SUCLG2: variants seen among roughly 807,000 people sequenced by gnomAD.
The protein encoded by SUCLG2 is succinate--CoA ligase [GDP-forming] subunit beta, mitochondrial.
Under a neutral mutation model 47.9 loss-of-function variants are expected in SUCLG2, and 42 were observed. That is an observed-to-expected ratio of 0.88 (90% confidence interval 0.69 to 1.14). The LOEUF (loss-of-function observed/expected upper bound fraction) is 1.14, where lower values mean the gene tolerates loss of function less well. Among genes scored for constraint, SUCLG2 ranks in the 50% most tolerant of loss-of-function variants. The pLI, the probability that SUCLG2 is intolerant of heterozygous loss-of-function variation, is 0.00. For synonymous variants in SUCLG2, 195 were observed against 197.3 expected (o/e 0.99, Z 0.10); for missense variants, 571 against 525.9 (o/e 1.09, Z -0.84).
At chr3:67,590,315 A>G (rs992323737) in intron 2 of SUCLG2, among the ~76,000 whole-genome samples, 10 of 152,228 alleles carry the variant, frequency 6.6e-5, no homozygotes, top group Non-Finnish European at 1.5e-4. Context: ...ACCAATTCCA[A>G]GGCAACTGTG....
chr3:67,593,201 C>T (rs1335883871), intron 2 of SUCLG2, among the ~76,000 whole-genome samples: 1 of 152,094 alleles, frequency 6.6e-6, no homozygotes, highest in Non-Finnish European at 1.5e-5. Flanking sequence ...ATTATATTCT[C>T]GCAATAATAA....
chr3:67,492,928 C>T lies in SUCLG2; in HGVS notation c.1062+2870G>A, dbSNP rs754538254. 7.0e-4 allele frequency among the ~76,000 whole-genome samples: 106 copies of T among 152,234 alleles called. 1 individual carries two copies. The highest frequency in any genetic ancestry group is 1.2e-3 in the Non-Finnish European group (84 of 68,010). Reference sequence around the variant, plus strand: ...AACCTGTAATAATTTTATTGAATGACGTGTTTACTAAACAGAATTATCTTA... The same window carrying T: ...AACCTGTAATAATTTTATTGAATGATGTGTTTACTAAACAGAATTATCTTA... On this transcript the variant is annotated intron_variant, in intron 9 of 10. Transcript: ENST00000307227.
Position 67,397,871 on chromosome 3 carries a change from C to G in SUCLG2, c.1183+2860G>C, listed in dbSNP as rs369987059. On this transcript the variant is annotated intron_variant, in intron 10 of 10. Transcript: ENST00000307227. ...AGCCCTCAGAAATAACACCGCATAT[C>G]TACAACTATCTGATCTTTGACTAAC... Among the ~76,000 whole-genome samples the G allele has an allele frequency of 5.3e-3, 809 of 151,560 alleles. 16 individuals carry two copies. In the East Asian group the frequency reaches 0.074, roughly 14 times the overall value.
chr3:67,610,062 C>A (rs940693708), intron 1 of SUCLG2, among the ~76,000 whole-genome samples: 3 of 152,118 alleles, frequency 2.0e-5, no homozygotes, highest in South Asian at 2.1e-4. Flanking sequence ...CCCCTTCTCA[C>A]CCCAAATAAA....
At chr3:67,365,653 C>T (rs1701864692) in intron 10 of SUCLG2, among the ~76,000 whole-genome samples, 1 of 152,166 alleles carries the variant, frequency 6.6e-6, no homozygotes, top group Non-Finnish European at 1.5e-5. Context: ...TATGACTAAG[C>T]ATACATGTTC....
intron 9 of SUCLG2, among the ~76,000 whole-genome samples, chr3:67,484,280 G>A (rs1415630220): frequency 2.0e-5 from 3 of 152,126 alleles, no homozygotes; most frequent in African/African-American, 7.2e-5. Context: ...CTGCCCCATT[G>A]TATTACAGTC....
chr3:67,433,813 A>C (rs2106892434), intron 9 of SUCLG2, among the ~76,000 whole-genome samples: 1 of 152,290 alleles, frequency 6.6e-6, no homozygotes, highest in Non-Finnish European at 1.5e-5. Flanking sequence ...AAAAAAAAAA[A>C]AAACTTATTT....
intron 9 of SUCLG2, among the ~76,000 whole-genome samples, chr3:67,401,059 C>T (rs958130082): frequency 1.3e-5 from 2 of 152,010 alleles, no homozygotes; most frequent in Non-Finnish European, 2.9e-5. Flanking sequence ...TATAACATTA[C>T]CAAATTTTCC....
At chr3:67,426,206 TC>T (rs1212960195) in intron 9 of SUCLG2, among the ~76,000 whole-genome samples, 1 of 152,098 alleles carries the variant, frequency 6.6e-6, no homozygotes, top group Non-Finnish European at 1.5e-5. Flanking sequence ...AATAACAAAA[TC>T]CCATAATCAT....
At chr3:67,576,764 A>G (rs1415827669) in intron 2 of SUCLG2, among the ~76,000 whole-genome samples, 3 of 152,186 alleles carry the variant, frequency 2.0e-5, no homozygotes, top group African/African-American at 7.2e-5. Context: ...AAATATCTCA[A>G]ACTGGGTTGG....
At chr3:67,585,698 C>G (rs1418949585) in intron 2 of SUCLG2, among the ~76,000 whole-genome samples, 1 of 151,978 alleles carries the variant, frequency 6.6e-6, no homozygotes, top group East Asian at 1.9e-4. Context: ...CGCAGTGGCT[C>G]ATATCTGTAA....
At chr3:67,397,835 C>G (rs562131632) in intron 10 of SUCLG2, among the ~76,000 whole-genome samples, 62 of 151,938 alleles carry the variant, frequency 4.1e-4, no homozygotes, top group South Asian at 4.0e-3. Context: ...TAGATCAATG[C>G]AACAGAACAG....
At chr3:67,412,213 C>T (rs1445418493) in intron 9 of SUCLG2, among the ~76,000 whole-genome samples, 1 of 152,166 alleles carries the variant, frequency 6.6e-6, no homozygotes, top group African/African-American at 2.4e-5. Flanking sequence ...GCAGAGCACT[C>T]CCTACAGCCT....
chr3:67,568,597 T>C (rs1266358075), intron 2 of SUCLG2, among the ~76,000 whole-genome samples: 2 of 152,096 alleles, frequency 1.3e-5, no homozygotes, highest in East Asian at 3.9e-4. Context: ...TTTTAAAAAA[T>C]AAAGAGTGAG....
At chr3:67,557,704 G>A (rs1035037571) in intron 2 of SUCLG2, among the ~76,000 whole-genome samples, 2 of 152,070 alleles carry the variant, frequency 1.3e-5, no homozygotes, top group Admixed American at 1.3e-4. Flanking sequence ...ATGGCTGAGC[G>A]GCATCAGAAT....
At chr3:67,553,111 T>G (rs1388573853) in intron 2 of SUCLG2, among the ~76,000 whole-genome samples, 1 of 152,250 alleles carries the variant, frequency 6.6e-6, no homozygotes, top group Non-Finnish European at 1.5e-5. Flanking sequence ...GATATGAATG[T>G]TATCTTGCTG....
At chr3:67,392,219 A>C (rs931073395) in intron 10 of SUCLG2, among the ~76,000 whole-genome samples, 1 of 152,010 alleles carries the variant, frequency 6.6e-6, no homozygotes, top group Non-Finnish European at 1.5e-5. Context: ...CTTCACAGTG[A>C]CATCTTTCAC....
intron 9 of SUCLG2, among the ~76,000 whole-genome samples, chr3:67,421,134 G>C (rs936788948): frequency 6.6e-6 from 1 of 152,080 alleles, no homozygotes; most frequent in Non-Finnish European, 1.5e-5. Flanking sequence ...TAATGTCTGA[G>C]CAGGAATTTC....
chr3:67,653,965 T>C (rs1327045504), intron 1 of SUCLG2, among the ~76,000 whole-genome samples: 2 of 152,196 alleles, frequency 1.3e-5, no homozygotes, highest in South Asian at 2.1e-4. Flanking sequence ...ATTTTTCTCC[T>C]TGACCCACGG....
Sources: allele counts gnomAD v4.1 joint callset (sites outside exome capture counted in the v4.1 genomes callset), GRCh38; gene constraint gnomAD v4.1.1; transcripts MANE v1.5; gene names NCBI Gene and HGNC (gene_info 2026-07-23, HGNC 2026-07-21).